Variants in TRHDE observed in about 807,000 individuals in gnomAD.
TRHDE encodes thyrotropin releasing hormone degrading enzyme, also known as thyrotropin-releasing hormone-degrading ectoenzyme.
A neutral mutation model predicts 125.7 loss-of-function variants in TRHDE; 72 were observed. The ratio of observed to expected loss-of-function variants is 0.57; its 90% CI spans 0.47 to 0.70. The LOEUF is 0.70. Ranked by LOEUF, TRHDE falls within the 30% of genes least tolerant of loss-of-function variation. TRHDE has a pLI of 0.00. For missense variants in TRHDE, 1,110 were observed against 1,327.1 expected, an observed-to-expected ratio of 0.84 and a Z score of 2.54; for synonymous variants, 509 against 509.1, an observed-to-expected ratio of 1.00 and a Z score of 0.00.
At chr12:72,311,650 A>C (rs1221559185) in intron 2 of TRHDE, among the ~76,000 whole-genome samples, 1 of 152,228 alleles carries the variant, frequency 6.6e-6, no homozygotes, top group African/African-American at 2.4e-5. Context: ...CTGTATGATG[A>C]GAATGATAAT....
intron 2 of TRHDE, among the ~76,000 whole-genome samples, chr12:72,250,000 T>A (rs1294858972): frequency 6.6e-6 from 1 of 152,144 alleles, no homozygotes; most frequent in Non-Finnish European, 1.5e-5. Context: ...TAAGAAGAAC[T>A]GCATAAATAT....
At chr12:72,288,194 A>T (rs556400904) in intron 2 of TRHDE, among the ~76,000 whole-genome samples, 20 of 152,260 alleles carry the variant, frequency 1.3e-4, no homozygotes, top group African/African-American at 4.8e-4. Context: ...TGTTGCTTGA[A>T]CACAGCAAAA....
intron 2 of TRHDE, among the ~76,000 whole-genome samples, chr12:72,328,708 G>A (rs905905200): frequency 3.0e-4 from 46 of 152,106 alleles, no homozygotes; most frequent in African/African-American, 1.1e-3. Flanking sequence ...AACATGAAAA[G>A]ACTTGGGTGA....
chr12:72,375,801 C>T (rs1162674332), intron 2 of TRHDE, among the ~76,000 whole-genome samples: 2 of 152,152 alleles, frequency 1.3e-5, no homozygotes, highest in Non-Finnish European at 2.9e-5. Flanking sequence ...GTCTTCTTCA[C>T]TGCTAAATTA....
chr12:72,335,270 G>T (rs1869779980), intron 2 of TRHDE, among the ~76,000 whole-genome samples: 1 of 152,154 alleles, frequency 6.6e-6, no homozygotes, highest in Admixed American at 6.5e-5. Context: ...AGATTTCAGG[G>T]AGTACACCCC....
chr12:72,142,161 A>G (rs1188506801), intron 2 of TRHDE, among the ~76,000 whole-genome samples: 5 of 152,138 alleles, frequency 3.3e-5, no homozygotes, highest in African/African-American at 9.6e-5. Context: ...GGTAAAAAGG[A>G]CACTGCATAT....
At chr12:72,090,719 C>G (rs1874770326) in intron 1 of TRHDE, among the ~76,000 whole-genome samples, 2 of 152,020 alleles carry the variant, frequency 1.3e-5, no homozygotes. Context: ...ATAATTCATA[C>G]TTATTATAGA....
At chr12:72,418,560 CT>C (rs1471053165) in intron 3 of TRHDE, among the ~76,000 whole-genome samples, 2 of 151,820 alleles carry the variant, frequency 1.3e-5, no homozygotes, top group Admixed American at 6.6e-5. Flanking sequence ...ATTTCCCCAT[CT>C]TTTAAGAGGA....
chr12:72,315,629 A>G (rs916136509), intron 2 of TRHDE, among the ~76,000 whole-genome samples: 12 of 152,262 alleles, frequency 7.9e-5, no homozygotes, highest in African/African-American at 2.9e-4. Context: ...TCAGAGGCAT[A>G]TGGGCAGAGC....
intron 6 of TRHDE, among the ~76,000 whole-genome samples, chr12:72,531,409 C>T (rs1868548924): frequency 6.6e-6 from 1 of 151,782 alleles, no homozygotes; most frequent in South Asian, 2.1e-4. Context: ...GCTAATAGTA[C>T]TGCAGCTTGT....
chr12:72,358,685 A>G (rs1053468776), intron 2 of TRHDE, among the ~76,000 whole-genome samples: 1 of 151,628 alleles, frequency 6.6e-6, no homozygotes, highest in Non-Finnish European at 1.5e-5. Context: ...TAAAAGCTAA[A>G]GGAATACTAA....
At chr12:72,374,004 C>T (rs771614064) in intron 2 of TRHDE, among the ~76,000 whole-genome samples, 75 of 152,184 alleles carry the variant, frequency 4.9e-4, no homozygotes, top group Non-Finnish European at 8.4e-4. Context: ...GTATACATAA[C>T]AGCTTGAAGG....
At chr12:72,309,254 G>GGA (rs774155035) in intron 2 of TRHDE, among the ~76,000 whole-genome samples, 21 of 152,236 alleles carry the variant, frequency 1.4e-4, no homozygotes, top group Non-Finnish European at 2.8e-4. Context: ...GAGGTGAAAA[G>GGA]GAGAGAGAGA....
chr12:72,103,949 C>G (rs1359639521), intron 1 of TRHDE, among the ~76,000 whole-genome samples: 1 of 152,020 alleles, frequency 6.6e-6, no homozygotes, highest in Non-Finnish European at 1.5e-5. Flanking sequence ...TGCTTGAGAG[C>G]TGTAGAAGGC....
intron 5 of TRHDE, among the ~76,000 whole-genome samples, chr12:72,473,413 A>G (rs557056203): frequency 6.6e-6 from 1 of 152,170 alleles, no homozygotes; most frequent in South Asian, 2.1e-4. Context: ...AATTTACCTG[A>G]ATAGAAATAT....
chr12:72,640,278 C>G (rs981607329), intron 15 of TRHDE, among the ~76,000 whole-genome samples: 3 of 152,220 alleles, frequency 2.0e-5, no homozygotes, highest in Admixed American at 6.5e-5. Flanking sequence ...CAGGTGCCGT[C>G]TGTCACCCCT....
intron 2 of TRHDE, among the ~76,000 whole-genome samples, chr12:72,244,882 C>T (rs895429414): frequency 3.9e-5 from 6 of 151,930 alleles, no homozygotes; most frequent in African/African-American, 1.2e-4. Flanking sequence ...TGTGTAGACA[C>T]GATTCTATTT....
At chr12:72,453,032 A>G (rs906347573) in intron 3 of TRHDE, among the ~76,000 whole-genome samples, 1 of 152,206 alleles carries the variant, frequency 6.6e-6, no homozygotes, top group African/African-American at 2.4e-5. Context: ...GGGCATTGCT[A>G]TAGAGATACA....
chr12:72,328,818 T>C (rs1869455044), intron 2 of TRHDE, among the ~76,000 whole-genome samples: 3 of 152,204 alleles, frequency 2.0e-5, no homozygotes, highest in Non-Finnish European at 4.4e-5. Flanking sequence ...ATTTTCCTAA[T>C]TGGCATAATC....
Sources: allele counts gnomAD v4.1 joint callset (sites outside exome capture counted in the v4.1 genomes callset), GRCh38; gene constraint gnomAD v4.1.1; transcripts MANE v1.5; gene names NCBI Gene and HGNC (gene_info 2026-07-23, HGNC 2026-07-21).